CUBN: variants seen among roughly 807,000 people sequenced by gnomAD.
CUBN encodes the protein 460 kDa receptor.
A neutral mutation model predicts 405.3 loss-of-function variants in CUBN; 282 were observed. The observed-to-expected ratio is 0.70, with a 90% CI of 0.63 to 0.77. The LOEUF (loss-of-function observed/expected upper bound fraction) is 0.77. Ranked by LOEUF, CUBN falls within the 30% of genes least tolerant of loss-of-function variation. The pLI is 0.00. For synonymous variants in CUBN, 1,684 were observed against 1,617.0 expected, an observed-to-expected ratio of 1.04 and a Z score of -0.99; for missense variants, 4,514 against 4,475.2, an observed-to-expected ratio of 1.01 and a Z score of -0.25.
intron 24 of CUBN, 70 bp from the exon 25 acceptor site, chr10:17,045,258 T>C (rs1301759198): frequency 4.8e-6 from 7 of 1,445,580 alleles, no homozygotes; most frequent in Non-Finnish European, 6.7e-6. Flanking sequence ...TTTGTCTGCA[T>C]TAAACTGGTG....
chr10:17,065,194 C>T (rs1017307745), intron 22 of CUBN, among the ~76,000 whole-genome samples: 13 of 144,346 alleles, frequency 9.0e-5, no homozygotes, highest in Non-Finnish European at 1.5e-4. Flanking sequence ...TCAGCCAATT[C>T]AGAGTACTTT....
rs550521783 is a variant in CUBN at position 16,998,679 on chromosome 10, G to C, written c.4169-8164C>G. 5.9e-5 allele frequency among the ~76,000 whole-genome samples: 9 copies of C among 152,322 alleles called. No homozygotes were observed. The South Asian group carries it at 1.7e-3, about 28-fold the overall frequency. On this transcript the variant is annotated intron_variant, in intron 28 of 66. Coordinates refer to ENST00000377833, the MANE Select transcript of CUBN (RefSeq NM_001081.4). ...CAACTATTTGTGTGGTATTCAAGGAGTGCACATTTGTAAACTTTCTGTATT... is the reference window on the plus strand; with the variant it reads ...CAACTATTTGTGTGGTATTCAAGGACTGCACATTTGTAAACTTTCTGTATT...
intron 14 of CUBN, among the ~76,000 whole-genome samples, chr10:17,093,129 A>G (rs1836300815): frequency 6.6e-6 from 1 of 152,190 alleles, no homozygotes; most frequent in Admixed American, 6.5e-5. Flanking sequence ...CTCACGATTT[A>G]GGGCTACCAA....
chr10:16,993,170 T>TA (rs1833642310), intron 28 of CUBN, among the ~76,000 whole-genome samples: 1 of 152,228 alleles, frequency 6.6e-6, no homozygotes, highest in Non-Finnish European at 1.5e-5. Context: ...TGGTTCTTTC[T>TA]ATCAGTAGTA....
At chr10:17,078,850 A>G (rs1214000186) in intron 17 of CUBN, among the ~76,000 whole-genome samples, 2 of 152,196 alleles carry the variant, frequency 1.3e-5, no homozygotes, top group Admixed American at 6.5e-5. Flanking sequence ...TATTTGACCT[A>G]GGAATTTGTA....
intron 64 of CUBN, among the ~76,000 whole-genome samples, chr10:16,832,867 G>A (rs1011137547): frequency 2.6e-5 from 4 of 152,176 alleles, no homozygotes; most frequent in Non-Finnish European, 4.4e-5. Flanking sequence ...TCACAAGAAC[G>A]GAATGCTGAG....
chr10:17,098,100 T>C (rs568075694), intron 14 of CUBN, among the ~76,000 whole-genome samples: 56 of 152,336 alleles, frequency 3.7e-4, no homozygotes, highest in Non-Finnish European at 5.9e-4. Context: ...TTCACTATTC[T>C]AAGACAAACT....
At chr10:16,880,531 C>A (rs909958262) in intron 56 of CUBN, among the ~76,000 whole-genome samples, 2 of 152,202 alleles carry the variant, frequency 1.3e-5, no homozygotes, top group Non-Finnish European at 1.5e-5. Flanking sequence ...AGATTCTTGT[C>A]CCTGGTTTCC....
intron 36 of CUBN, among the ~76,000 whole-genome samples, chr10:16,941,998 A>T (rs966815558): frequency 5.9e-5 from 9 of 152,228 alleles, no homozygotes; most frequent in Admixed American, 3.9e-4. Flanking sequence ...TTAAAAGTGG[A>T]CAAAGGGCTT....
At chr10:16,875,278 A>G (rs1840465844) in intron 57 of CUBN, among the ~76,000 whole-genome samples, 1 of 152,134 alleles carries the variant, frequency 6.6e-6, no homozygotes, top group African/African-American at 2.4e-5. Flanking sequence ...ATATAAAGTG[A>G]TTATTTTTGC....
At chr10:16,977,302 C>A in intron 31 of CUBN, among the ~76,000 whole-genome samples, 1 of 152,090 alleles carries the variant, frequency 6.6e-6, no homozygotes, top group East Asian at 1.9e-4. Context: ...ACCCCCTTAT[C>A]CTGTATTCAT....
intron 22 of CUBN, among the ~76,000 whole-genome samples, chr10:17,052,279 A>G (rs1344323972): frequency 6.6e-6 from 1 of 152,232 alleles, no homozygotes; most frequent in Non-Finnish European, 1.5e-5. Flanking sequence ...ACTGTATGAA[A>G]TAATAATATC....
chr10:16,898,687 T>C (rs1841267018), intron 54 of CUBN, among the ~76,000 whole-genome samples: 2 of 152,178 alleles, frequency 1.3e-5, no homozygotes, highest in Admixed American at 6.5e-5. Flanking sequence ...GGGGTCTTAA[T>C]GCCCAAGGTG....
intron 7 of CUBN, 24 bp downstream of exon 7, chr10:17,115,446 AG>A (rs761274331): frequency 6.2e-7 from 1 of 1,613,218 alleles, no homozygotes; most frequent in South Asian, 1.1e-5. Context: ...CTCTGCAAGG[AG>A]GCACATTTGG....
Position 16,901,343 on chromosome 10 carries a change from T to C in CUBN, c.8179A>G (p.Ile2727Val), listed in dbSNP as rs1841358856. 1 of 1,614,184 alleles carries C rather than the reference T, an allele frequency of 6.2e-7. No homozygotes were observed. The highest frequency in any genetic ancestry group is 8.5e-7 in the Non-Finnish European group (1 of 1,180,002). ...SLLEAPQGHT[I>V]TLTFSDFDIE... The stretch of plus-strand genomic sequence containing the variant: ...ACCCAGTCATTAGCACTCACAGTGA[T>C]GGTGTGCCCTTGTGGGGCCTCCAAC... Residue 2727 changes from isoleucine (I) to valine (V), a missense_variant, in exon 52 of 67, where the codon ATC (isoleucine) becomes GTC (valine). Ile to Val is a conservative substitution (Grantham distance 29, BLOSUM62 3). Coordinates refer to ENST00000377833, the MANE Select transcript of CUBN (RefSeq NM_001081.4).
chr10:16,906,541 C>T, intron 49 of CUBN, 132 bp from the exon 50 acceptor site: 1 of 734,940 alleles, frequency 1.4e-6, no homozygotes. Context: ...TGCAGTCAAG[C>T]TTATGGGTAA....
intron 62 of CUBN, 82 bp downstream of exon 62, chr10:16,840,248 A>G (rs753460445): frequency 1.9e-5 from 23 of 1,217,254 alleles, no homozygotes; most frequent in Admixed American, 3.5e-5. Context: ...TTATTTCATC[A>G]TGGCTTCATT....
chr10:16,945,098 A>G (rs1842739920), intron 36 of CUBN, among the ~76,000 whole-genome samples: 1 of 152,232 alleles, frequency 6.6e-6, no homozygotes, highest in African/African-American at 2.4e-5. Context: ...TAATTTGTCA[A>G]GACCTGAAAT....
At chr10:17,126,370 T>C (rs1244968810) in intron 4 of CUBN, among the ~76,000 whole-genome samples, 1 of 152,222 alleles carries the variant, frequency 6.6e-6, no homozygotes, top group African/African-American at 2.4e-5. Context: ...GTGATACACC[T>C]AGACTTCCGA....
Sources: allele counts gnomAD v4.1 joint callset (sites outside exome capture counted in the v4.1 genomes callset), GRCh38; gene constraint gnomAD v4.1.1; transcripts MANE v1.5; gene names NCBI Gene and HGNC (gene_info 2026-07-23, HGNC 2026-07-21).